The following TMOD1 variants were observed in gnomAD, a reference collection of about 807,000 sequenced individuals.
TMOD1 encodes the protein tropomodulin 1.
In TMOD1, 17 loss-of-function variants were observed where a neutral mutation model predicts 40.6. The observed-to-expected ratio is 0.42, with a 90% confidence interval of 0.29 to 0.63. TMOD1 has a LOEUF of 0.63. Among genes scored for constraint, TMOD1 ranks in the 20% least tolerant of loss-of-function variants. TMOD1 has a pLI of 0.22. For missense variants in TMOD1, 391 were observed against 447.6 expected, an observed-to-expected ratio of 0.87 and a Z score of 1.14; for synonymous variants, 181 against 175.0, an observed-to-expected ratio of 1.03 and a Z score of -0.27.
At chr9:97,517,445 G>C (rs1270642247) in intron 1 of TMOD1, among the ~76,000 whole-genome samples, 1 of 152,194 alleles carries the variant, frequency 6.6e-6, no homozygotes, top group Non-Finnish European at 1.5e-5. Flanking sequence ...TCTGGCCTGG[G>C]TGACTGACAG....
Position 97,551,619 on chromosome 9 carries a change from A to G in TMOD1, c.278-1662A>G, listed in dbSNP as rs114784087. ...AGCTTTTTAGTAAGTTTTGAAATCA[A>G]TAAGTATGAGTGCTCTAACTTTGCT... is the stretch of plus-strand genomic sequence containing the variant. On this transcript the variant is annotated intron_variant, in intron 3 of 9. Transcript: ENST00000259365. Among the ~76,000 whole-genome samples the G allele has an allele frequency of 8.7e-3, 1,326 of 152,318 alleles. 13 individuals carry two copies. Among genetic ancestry groups the G allele is most frequent in the African/African-American group, 0.031 (1,276 of 41,572 alleles).
chr9:97,553,599 C>T (rs1442004939), intron 4 of TMOD1, among the ~76,000 whole-genome samples, 199 bp downstream of exon 4: 1 of 152,152 alleles, frequency 6.6e-6, no homozygotes, highest in East Asian at 1.9e-4. Context: ...GCAAACCCAC[C>T]ACACCAGGGA....
At chr9:97,546,148 TTC>T in intron 2 of TMOD1, 35 bp from the exon 3 acceptor site, 4 of 1,571,826 alleles carry the variant, frequency 2.5e-6, no homozygotes, top group Non-Finnish European at 2.6e-6. Flanking sequence ...CTCTCTCTCT[TTC>T]TCTCTCTCCT....
chr9:97,547,214 C>G (rs147536011), intron 3 of TMOD1, among the ~76,000 whole-genome samples: 4 of 151,578 alleles, frequency 2.6e-5, no homozygotes, highest in Admixed American at 2.6e-4. Flanking sequence ...CCCTCTGCCC[C>G]CCTCCAATAT....
intron 3 of TMOD1, among the ~76,000 whole-genome samples, chr9:97,552,073 T>A (rs1830462833): frequency 1.3e-5 from 2 of 152,238 alleles, no homozygotes; most frequent in South Asian, 4.1e-4. Flanking sequence ...AATAGGTTTT[T>A]TTGTGTGGAA....
chr9:97,583,064 T>C (rs1055478203), intron 8 of TMOD1, among the ~76,000 whole-genome samples: 1 of 148,490 alleles, frequency 6.7e-6, no homozygotes, highest in Non-Finnish European at 1.5e-5. Context: ...AGAGAGGGCA[T>C]CCCTGTCTTG....
chr9:97,596,345 C>T (rs996941917), intron 9 of TMOD1, among the ~76,000 whole-genome samples: 4 of 152,174 alleles, frequency 2.6e-5, no homozygotes, highest in Non-Finnish European at 4.4e-5. Context: ...AGAACCCTCA[C>T]TTGCCTCCCA....
chr9:97,554,268 G>T (rs1292862327), intron 4 of TMOD1, among the ~76,000 whole-genome samples: 1 of 152,176 alleles, frequency 6.6e-6, no homozygotes, highest in Non-Finnish European at 1.5e-5. Context: ...GGCTGTGAGA[G>T]TGAGGTAGAA....
At chr9:97,515,626 G>A (rs1829793139) in intron 1 of TMOD1, among the ~76,000 whole-genome samples, 1 of 152,192 alleles carries the variant, frequency 6.6e-6, no homozygotes, top group South Asian at 2.1e-4. Flanking sequence ...TTTGAGCAAA[G>A]GGTCCCACTG....
At chr9:97,575,331 C>T (rs998994467) in intron 8 of TMOD1, among the ~76,000 whole-genome samples, 2 of 152,360 alleles carry the variant, frequency 1.3e-5, no homozygotes, top group South Asian at 4.1e-4. Context: ...ACTCCTAACA[C>T]ATCCGAACAT....
chr9:97,559,253 TTC>T, intron 4 of TMOD1, among the ~76,000 whole-genome samples: 1 of 152,284 alleles, frequency 6.6e-6, no homozygotes, highest in East Asian at 1.9e-4. Context: ...AGGCCTCAGC[TTC>T]TGTTGCCCAC....
rs1210288961 is a variant in TMOD1 at position 97,601,096 on chromosome 9, C to G, written c.*1398C>G. The G allele has an allele frequency of 1.5e-6, 2 of 1,304,286 alleles. No individual in the cohort carries two copies. Among genetic ancestry groups the G allele is most frequent in the Admixed American group, 4.6e-5 (2 of 43,564 alleles). The allele number at this position is 1,304,286 out of a possible 1,614,324, so 80.8% of individuals were successfully genotyped here. On this transcript the variant is annotated 3_prime_UTR_variant, in exon 10 of 10. Coordinates refer to ENST00000259365, the MANE Select transcript of TMOD1 (RefSeq NM_003275.4). ...ACTGGAGGCGGGGCCAGGGCCTCAG[C>G]GCTATGGAAGAGTGTCCACTGAGGC... is the stretch of plus-strand genomic sequence containing the variant.
At chr9:97,505,192 G>A (rs1469196269) in intron 1 of TMOD1, among the ~76,000 whole-genome samples, 3 of 152,170 alleles carry the variant, frequency 2.0e-5, no homozygotes, top group Non-Finnish European at 2.9e-5. Context: ...ACTCAAGCAT[G>A]CCTTTTGTTT....
rs1419023628 is a variant in TMOD1, at chr9:97,551,012, ATATTTTTTTTTTT to A, written c.278-2267_278-2255del. On this transcript the variant is annotated intron_variant, in intron 3 of 9. Coordinates refer to ENST00000259365, the MANE Select transcript of TMOD1 (RefSeq NM_003275.4). ...GAATTTTATATATATATATATATAT[ATATTTTTTTTTTT>A]TTTTTTTTTTTTTTTTTAGATGGAG... 5.0e-3 allele frequency among the ~76,000 whole-genome samples: 197 copies of A among 39,320 alleles called. 1 individual carries two copies. Among genetic ancestry groups the A allele is most frequent in the African/African-American group, 0.029 (185 of 6,418 alleles). The allele number at this position is 39,320 out of a possible 152,430, so 25.8% of individuals were successfully genotyped here. A position where few individuals can be genotyped will look rare whatever the true frequency, so the allele number is the denominator to read the frequency against.
intron 1 of TMOD1, among the ~76,000 whole-genome samples, chr9:97,505,037 C>T (rs1455477937): frequency 6.6e-6 from 1 of 152,150 alleles, no homozygotes; most frequent in Non-Finnish European, 1.5e-5. Flanking sequence ...GTAAAATCTT[C>T]CTTTGGCTAA....
In TMOD1 at chr9:97,599,838, T is replaced by G; in HGVS notation, c.*140T>G. 1.3e-6 allele frequency: 2 copies of G among 1,483,588 alleles called. No individual in the cohort carries two copies. The highest frequency in any genetic ancestry group is 1.3e-5 in the South Asian group (1 of 74,356). 91.9% of individuals were successfully genotyped at this position (1,483,588 alleles called of 1,614,324 possible). A position where few individuals can be genotyped will look rare whatever the true frequency, so the allele number is the denominator to read the frequency against. On this transcript the variant is annotated 3_prime_UTR_variant, in exon 10 of 10. Coordinates refer to ENST00000259365, the MANE Select transcript of TMOD1 (RefSeq NM_003275.4). ...GTTCTTTATGCACTAAGGTTTTAGG[T>G]TGACTAGTGGTTGTAGTTGAAAATT... is the stretch of plus-strand genomic sequence containing the variant.
At chr9:97,554,539 G>A (rs1328845002) in intron 4 of TMOD1, among the ~76,000 whole-genome samples, 1 of 151,910 alleles carries the variant, frequency 6.6e-6, no homozygotes, top group Non-Finnish European at 1.5e-5. Context: ...GAAGCCTTTG[G>A]TGGTGGGGGT....
chr9:97,575,245 G>C (rs775500493), intron 8 of TMOD1, among the ~76,000 whole-genome samples: 1 of 152,090 alleles, frequency 6.6e-6, no homozygotes, highest in Non-Finnish European at 1.5e-5. Flanking sequence ...TCCGCCTTAA[G>C]AGCTGTAACA....
intron 9 of TMOD1, among the ~76,000 whole-genome samples, chr9:97,595,489 A>G (rs539824886): frequency 6.8e-6 from 1 of 147,388 alleles, no homozygotes; most frequent in South Asian, 2.1e-4. Context: ...ACTTAGTATA[A>G]TGTTCTCCAA....
Sources: gnomAD v4.1 joint callset for allele counts (sites outside exome capture counted in the v4.1 genomes callset) on GRCh38, gnomAD v4.1.1 for gene constraint, MANE v1.5 for transcripts, NCBI Gene and HGNC (gene_info 2026-07-23, HGNC 2026-07-21) for gene names.